Variants in ACSS3 observed in about 807,000 individuals in gnomAD.
The protein encoded by ACSS3 is acyl-CoA synthetase short-chain family member 3, mitochondrial.
Under a neutral mutation model 84.2 loss-of-function variants are expected in ACSS3, and 64 were observed. The ratio of observed to expected loss-of-function variants is 0.76; its 90% CI spans 0.62 to 0.94. ACSS3 has a LOEUF of 0.94. Among genes scored for constraint, ACSS3 ranks in the 40% least tolerant of loss-of-function variants. The probability of loss-of-function intolerance (pLI) is 0.00; values close to 1 mark genes in which losing one functional copy is unlikely to be tolerated. For synonymous variants in ACSS3, 317 were observed against 310.1 expected, an observed-to-expected ratio of 1.02 and a Z score of -0.23; for missense variants, 815 against 867.6, an observed-to-expected ratio of 0.94 and a Z score of 0.76.
chr12:81,096,537 T>C (rs1882064058), intron 1 of ACSS3, among the ~76,000 whole-genome samples: 1 of 152,178 alleles, frequency 6.6e-6, no homozygotes, highest in Non-Finnish European at 1.5e-5. Flanking sequence ...GCTTGTTACA[T>C]AGGTATACAT....
chr12:81,259,456 T>G lies in ACSS3; in HGVS notation c.*4534T>G. On this transcript the variant is annotated 3_prime_UTR_variant, in exon 16 of 16. Transcript: ENST00000548058. ...AGTTTATGATGTAGATGATGTTTAT[T>G]ATTCAAATGACTTAAGCATTTTATT... 1 of 666,722 alleles carries G rather than the reference T, an allele frequency of 1.5e-6. No homozygotes were observed. Among genetic ancestry groups the G allele is most frequent in the Non-Finnish European group, 2.7e-6 (1 of 376,224 alleles). 41.3% of individuals were successfully genotyped at this position (666,722 alleles called of 1,614,324 possible).
rs1239630201 is a variant in ACSS3, at chr12:81,098,147, A to AGT, written c.312-11412_312-11411insTG. On this transcript the variant is annotated intron_variant, in intron 1 of 15. Transcript: ENST00000548058. ...CCCAGTATGAGAGAGAGAGAGAGAG[A>AGT]GAGAGTGTGTGTGTGTGTGTGTGTG... Among the ~76,000 whole-genome samples the AGT allele has an allele frequency of 1.1e-4, 13 of 116,506 alleles. No homozygotes were observed. The Admixed American group carries it at 1.2e-3, about 11-fold the overall frequency. The allele number at this position is 116,506 out of a possible 152,430, so 76.4% of individuals were successfully genotyped here. A position where few individuals can be genotyped will look rare whatever the true frequency, so the allele number is the denominator to read the frequency against.
chr12:81,195,972 C>T (rs1023182783), intron 8 of ACSS3, among the ~76,000 whole-genome samples: 5 of 152,060 alleles, frequency 3.3e-5, no homozygotes, highest in South Asian at 2.1e-4. Context: ...AGTCCTATAA[C>T]GATGCCTAAT....
chr12:81,259,353 A>T lies in ACSS3; in HGVS notation c.*4431A>T, dbSNP rs2034616452. 3.6e-6 allele frequency: 2 copies of T among 550,228 alleles called. No homozygotes were observed. The highest frequency in any genetic ancestry group is 6.7e-6 in the Non-Finnish European group (2 of 300,504). The allele number at this position is 550,228 out of a possible 1,614,324, so 34.1% of individuals were successfully genotyped here. On this transcript the variant is annotated 3_prime_UTR_variant, in exon 16 of 16. Transcript: ENST00000548058. The stretch of plus-strand genomic sequence containing the variant: ...ACACATTTAAAAAGAAATGCACGGT[A>T]ATACATAAATGCCTAGTATATTACA...
chr12:81,175,604 G>A (rs2030411870), intron 8 of ACSS3, among the ~76,000 whole-genome samples: 1 of 151,952 alleles, frequency 6.6e-6, no homozygotes, highest in Non-Finnish European at 1.5e-5. Flanking sequence ...TCTACCATGT[G>A]CTCAGCCATA....
At chr12:81,244,744 C>T (rs1005586071) in intron 13 of ACSS3, among the ~76,000 whole-genome samples, 2 of 152,158 alleles carry the variant, frequency 1.3e-5, no homozygotes, top group Non-Finnish European at 2.9e-5. Context: ...TTTAATCTCT[C>T]TGCTCAGCTT....
chr12:81,164,018 C>T (rs1887283642), intron 7 of ACSS3, among the ~76,000 whole-genome samples: 1 of 152,150 alleles, frequency 6.6e-6, no homozygotes, highest in South Asian at 2.1e-4. Context: ...AGTGTTTATA[C>T]AATATGTAGT....
intron 11 of ACSS3, among the ~76,000 whole-genome samples, chr12:81,222,594 A>G (rs1279293012): frequency 6.6e-6 from 1 of 152,098 alleles, no homozygotes; most frequent in Admixed American, 6.6e-5. Context: ...CTTAAGACTC[A>G]TTTGTGTAGG....
chr12:81,160,261 G>A, intron 7 of ACSS3, among the ~76,000 whole-genome samples: 1 of 152,126 alleles, frequency 6.6e-6, no homozygotes, highest in East Asian at 1.9e-4. Context: ...ACATTTGTTT[G>A]TATTTCACAT....
chr12:81,133,401 G>T (rs1593109732), intron 2 of ACSS3, among the ~76,000 whole-genome samples: 1 of 152,040 alleles, frequency 6.6e-6, no homozygotes, highest in African/African-American at 2.4e-5. Flanking sequence ...AGGCCCTTTG[G>T]CTCCCTGACC....
chr12:81,168,705 A>G (rs1887516405), intron 7 of ACSS3, among the ~76,000 whole-genome samples: 2 of 152,184 alleles, frequency 1.3e-5, no homozygotes, highest in South Asian at 4.1e-4. Flanking sequence ...GGCATAAATA[A>G]TTAAGGACAG....
intron 2 of ACSS3, among the ~76,000 whole-genome samples, chr12:81,122,026 C>T (rs544049516): frequency 5.3e-5 from 8 of 151,712 alleles, no homozygotes; most frequent in South Asian, 2.1e-4. Context: ...CTCCACCTCC[C>T]GGTTCAGGCA....
chr12:81,240,377 T>C lies in ACSS3; in HGVS notation c.1719+6906T>C, dbSNP rs896664822. Reference sequence around the variant, plus strand: ...AAATTAACATAACTACTCCTACTTATAAAAATTAGCATGGTATAACTTTCT... The same window carrying C: ...AAATTAACATAACTACTCCTACTTACAAAAATTAGCATGGTATAACTTTCT... On this transcript the variant is annotated intron_variant, in intron 13 of 15. Transcript: ENST00000548058. 3.3e-5 allele frequency among the ~76,000 whole-genome samples: 5 copies of C among 152,020 alleles called. No homozygotes were observed. The East Asian group carries it at 7.7e-4, about 24-fold the overall frequency.
chr12:81,231,232 A>C lies in ACSS3; in HGVS notation c.1596+94A>C, dbSNP rs550013193. 3.7e-5 allele frequency: 39 copies of C among 1,060,260 alleles called. No homozygotes were observed. In the African/African-American group the frequency reaches 5.7e-4, roughly 15 times the overall value. 65.7% of individuals were successfully genotyped at this position (1,060,260 alleles called of 1,614,324 possible). On this transcript the variant is annotated intron_variant, in intron 12 of 15. Coordinates refer to ENST00000548058, the MANE Select transcript of ACSS3 (RefSeq NM_024560.4). ...AAACTTGCTCCTAGAATCGTAGATC[A>C]AAAAGAAACTTTTAAAGGTTATCTG...
intron 7 of ACSS3, among the ~76,000 whole-genome samples, chr12:81,153,010 CCA>C (rs1218646554): frequency 1.3e-5 from 2 of 151,892 alleles, no homozygotes; most frequent in Admixed American, 1.3e-4. Context: ...CTTTACTCTT[CCA>C]CATTTGAAAA....
At chr12:81,104,597 G>A (rs1407567112) in intron 1 of ACSS3, among the ~76,000 whole-genome samples, 1 of 152,058 alleles carries the variant, frequency 6.6e-6, no homozygotes, top group Non-Finnish European at 1.5e-5. Flanking sequence ...CCATGTGGGA[G>A]GACATGAAGG....
At chr12:81,094,661 T>A (rs939472704) in intron 1 of ACSS3, 4 of 152,226 alleles carry the variant, frequency 2.6e-5, no homozygotes, top group Non-Finnish European at 5.9e-5. Flanking sequence ...GCTCTCTGCC[T>A]TCTGGGAGCC....
At position 81,156,715 on chromosome 12, in the gene ACSS3, T is replaced by C. The variant is rs144450618; in HGVS notation, c.1098+4619T>C. On this transcript the variant is annotated intron_variant, in intron 7 of 15. Coordinates refer to ENST00000548058, the MANE Select transcript of ACSS3 (RefSeq NM_024560.4). Reference sequence around the variant, plus strand: ...CTTAGATGAAGATGAAATAGACTAATTCCTCAAAAACCATAAACTCACCAA... The same window carrying C: ...CTTAGATGAAGATGAAATAGACTAACTCCTCAAAAACCATAAACTCACCAA... Among the ~76,000 whole-genome samples the C allele has an allele frequency of 3.3e-5, 5 of 152,214 alleles. No homozygotes were observed. In the East Asian group the frequency reaches 7.7e-4, roughly 24 times the overall value.
At chr12:81,152,487 A>T (rs563768335) in intron 7 of ACSS3, among the ~76,000 whole-genome samples, 2 of 152,318 alleles carry the variant, frequency 1.3e-5, no homozygotes, top group South Asian at 4.1e-4. Context: ...TCTCAATTTT[A>T]AATAAATACT....
Sources: gnomAD v4.1 joint callset for allele counts (sites outside exome capture counted in the v4.1 genomes callset) on GRCh38, gnomAD v4.1.1 for gene constraint, MANE v1.5 for transcripts, NCBI Gene and HGNC (gene_info 2026-07-23, HGNC 2026-07-21) for gene names.